Variants in XRRA1 observed in about 807,000 individuals in gnomAD.
The protein encoded by XRRA1 is X-ray radiation resistance associated 1.
A neutral mutation model predicts 80.2 loss-of-function variants in XRRA1; 69 were observed. The observed-to-expected ratio is 0.86, with a 90% CI of 0.71 to 1.05. The LOEUF (loss-of-function observed/expected upper bound fraction) is 1.05. Among genes scored for constraint, XRRA1 ranks in the 50% least tolerant of loss-of-function variants. The probability of loss-of-function intolerance (pLI) is 0.00; values close to 1 mark genes in which losing one functional copy is unlikely to be tolerated. For missense variants in XRRA1, 967 were observed against 976.4 expected, an observed-to-expected ratio of 0.99 and a Z score of 0.13; for synonymous variants, 348 against 389.9, an observed-to-expected ratio of 0.89 and a Z score of 1.27.
Position 74,842,029 on chromosome 11 carries a change from C to A in XRRA1, c.*1171G>T, listed in dbSNP as rs9444. The A allele has an allele frequency of 6.6e-6, 1 of 151,662 alleles. No individual in the cohort carries two copies. The highest frequency in any genetic ancestry group is 1.5e-5 in the Non-Finnish European group (1 of 67,852). 9.4% of individuals were successfully genotyped at this position (151,662 alleles called of 1,614,324 possible). A position where few individuals can be genotyped will look rare whatever the true frequency, so the allele number is the denominator to read the frequency against. ...AGTTTTTTTTTTTTTGAACCTGATA[C>A]ACTGTTTGTTTACTCTCAACTCTTT... On this transcript the variant is annotated 3_prime_UTR_variant, in exon 19 of 19. Transcript: ENST00000684022.
At chr11:74,938,081 A>G (rs1249111619) in intron 3 of XRRA1, among the ~76,000 whole-genome samples, 1 of 152,234 alleles carries the variant, frequency 6.6e-6, no homozygotes, top group African/African-American at 2.4e-5. Flanking sequence ...AACATCTTAT[A>G]TTATATACAA....
At chr11:74,933,702 C>A (rs1450116387) in intron 5 of XRRA1, 99 bp downstream of exon 5, 1 of 1,090,510 alleles carries the variant, frequency 9.2e-7, no homozygotes, top group East Asian at 2.6e-5. Context: ...GATTTCCAGT[C>A]CCTAGGGACT....
At chr11:74,944,812 T>C (rs79554973) in intron 2 of XRRA1, among the ~76,000 whole-genome samples, 5,808 of 152,296 alleles carry the variant, frequency 0.038, 186 homozygotes, top group Non-Finnish European at 0.054. Context: ...ATTCAGTCAA[T>C]ATGTCTTTCA....
intron 8 of XRRA1, among the ~76,000 whole-genome samples, chr11:74,914,455 G>A (rs954105713): frequency 6.6e-6 from 1 of 152,182 alleles, no homozygotes; most frequent in African/African-American, 2.4e-5. Flanking sequence ...GACTCAGCAG[G>A]TCCAAATGGC....
intron 8 of XRRA1, 88 bp from the exon 9 acceptor site, chr11:74,907,361 T>C (rs1462165645): frequency 1.9e-6 from 3 of 1,539,744 alleles, no homozygotes; most frequent in Middle Eastern, 1.7e-4. Context: ...GGGAATCAAT[T>C]AGGAGGACTA....
intron 10 of XRRA1, among the ~76,000 whole-genome samples, chr11:74,886,909 G>T (rs183930940): frequency 6.6e-6 from 1 of 152,228 alleles, no homozygotes; most frequent in East Asian, 1.9e-4. Flanking sequence ...CAGAAATAAT[G>T]CCACACGCCT....
Position 74,933,825 on chromosome 11 carries a change from A to G in XRRA1, c.327T>C (p.Asn109=), listed in dbSNP as rs1428760385. ...VRKPSDLCTI[N]VSGLKFSKAK... ...CCTTGGAGAACTTCAGGCCACTCAC[A>G]TTAATGGTGCACAGATCTGATGGCT... is the stretch of plus-strand genomic sequence containing the variant. Residue 109 remains asparagine (N), a synonymous_variant, in exon 5 of 19, where the codon AAT becomes AAC. Transcript: ENST00000684022. 1 of 1,600,950 alleles carries G rather than the reference A, an allele frequency of 6.2e-7. No homozygotes were observed. Among genetic ancestry groups the G allele is most frequent in the East Asian group, 2.2e-5 (1 of 44,604 alleles).
At chr11:74,860,522 T>A (rs1327706326) in intron 11 of XRRA1, among the ~76,000 whole-genome samples, 1 of 152,264 alleles carries the variant, frequency 6.6e-6, no homozygotes, top group Non-Finnish European at 1.5e-5. Context: ...GAGGTGCATC[T>A]GATTTTAATA....
intron 10 of XRRA1, among the ~76,000 whole-genome samples, chr11:74,883,680 A>ATCAAC (rs1308556279): frequency 6.6e-6 from 1 of 152,212 alleles, no homozygotes; most frequent in Admixed American, 6.5e-5. Flanking sequence ...GAACCTTTAG[A>ATCAAC]TCAACTCCAG....
intron 16 of XRRA1, among the ~76,000 whole-genome samples, chr11:74,844,628 G>A (rs909104315): frequency 6.6e-6 from 1 of 152,256 alleles, no homozygotes; most frequent in Non-Finnish European, 1.5e-5. Context: ...CTGAATGCCA[G>A]TTGCTTTGGA....
In XRRA1 at chr11:74,843,406, G is replaced by A. The variant is rs761387859; in HGVS notation, c.2197C>T (p.Gln733Ter). 5 of 1,612,276 alleles carry A rather than the reference G, an allele frequency of 3.1e-6. No individual in the cohort carries two copies. The highest frequency in any genetic ancestry group is 1.1e-5 in the South Asian group (1 of 90,650). The change falls in exon 19 of 19, where the codon CAG (glutamine) becomes TAG (stop). Residue 733 changes from glutamine to a stop codon, truncating the protein, a stop_gained. Coordinates refer to ENST00000684022, the MANE Select transcript of XRRA1 (RefSeq NM_001378157.1). LOFTEE classifies it high-confidence loss of function. The stretch of plus-strand genomic sequence containing the variant: ...AACAGCCTCTTGGCCTCCAGGTACT[G>A]CTTGTGGTTCACCAGCCGCCGTTCT... ...WTERRLVNHK[Q>*]YLEAKRLLKE...
At position 74,859,265 on chromosome 11, in the gene XRRA1, G is replaced by T; in HGVS notation, c.1063C>A (p.Leu355Ile). Residue 355 changes from leucine (L) to isoleucine (I), a missense_variant, in exon 12 of 19, where the codon CTT (leucine) becomes ATT (isoleucine). By Grantham distance (5) the Leu-to-Ile change is conservative. Coordinates refer to ENST00000684022, the MANE Select transcript of XRRA1 (RefSeq NM_001378157.1). ...STSETTKICS[L>I]PPIFEILPVK... is the part of the protein sequence containing the mutation. ...GGAAGGATCTCGAATATGGGAGGAA[G>T]TGAACATATCTTGGTTGTCTTAGAA... The T allele has an allele frequency of 6.2e-7, 1 of 1,607,832 alleles. No individual in the cohort carries two copies. Among genetic ancestry groups the T allele is most frequent in the South Asian group, 1.1e-5 (1 of 89,610 alleles).
intron 10 of XRRA1, among the ~76,000 whole-genome samples, chr11:74,888,946 T>TA (rs1228530475): frequency 6.6e-6 from 1 of 152,152 alleles, no homozygotes; most frequent in African/African-American, 2.4e-5. Context: ...ACCTGAAAGT[T>TA]ACGGGGAGAA....
At chr11:74,921,919 TG>T (rs1940921507) in intron 7 of XRRA1, among the ~76,000 whole-genome samples, 1 of 152,048 alleles carries the variant, frequency 6.6e-6, no homozygotes, top group Non-Finnish European at 1.5e-5. Context: ...ACTGTATCCT[TG>T]TAAGTTAGCA....
chr11:74,881,720 C>G (rs2047642402), intron 10 of XRRA1, among the ~76,000 whole-genome samples: 1 of 152,002 alleles, frequency 6.6e-6, no homozygotes, highest in South Asian at 2.1e-4. Context: ...CAAAATCTCT[C>G]AGCATTTGCT....
At chr11:74,876,605 C>A (rs890717757) in intron 10 of XRRA1, 8 of 152,202 alleles carry the variant, frequency 5.3e-5, no homozygotes, top group African/African-American at 1.7e-4. Flanking sequence ...TAGGAAGGGC[C>A]CTACACTGTT....
intron 3 of XRRA1, among the ~76,000 whole-genome samples, chr11:74,940,486 C>T (rs1019335165): frequency 6.6e-6 from 1 of 152,086 alleles, no homozygotes; most frequent in South Asian, 2.1e-4. Context: ...AAGCAAGCAC[C>T]GTGGAACAGA....
At chr11:74,883,334 C>A (rs973286774) in intron 10 of XRRA1, among the ~76,000 whole-genome samples, 1 of 152,190 alleles carries the variant, frequency 6.6e-6, no homozygotes, top group East Asian at 1.9e-4. Flanking sequence ...ACCCCTTGCG[C>A]TTCCCAAGTG....
At chr11:74,935,980 A>ACCTAAT (rs1205887320) in intron 4 of XRRA1, among the ~76,000 whole-genome samples, 2 of 152,230 alleles carry the variant, frequency 1.3e-5, no homozygotes, top group African/African-American at 4.8e-5. Context: ...CCTAATAATG[A>ACCTAAT]AACTGATTCC....
Sources: allele counts gnomAD v4.1 joint callset (sites outside exome capture counted in the v4.1 genomes callset), GRCh38; gene constraint gnomAD v4.1.1; transcripts MANE v1.5; gene names NCBI Gene and HGNC (gene_info 2026-07-23, HGNC 2026-07-21).